Variants in ESCO2 observed in about 807,000 individuals in gnomAD.
ESCO2 encodes the protein N-acetyltransferase ESCO2.
A neutral mutation model predicts 61.7 loss-of-function variants in ESCO2; 51 were observed. The observed-to-expected ratio is 0.83, with a 90% CI of 0.66 to 1.04. The LOEUF is 1.04. Among genes scored for constraint, ESCO2 ranks in the 50% least tolerant of loss-of-function variants. ESCO2 has a pLI of 0.00. For missense variants in ESCO2, 692 were observed against 686.2 expected, an observed-to-expected ratio of 1.01 and a Z score of -0.09; for synonymous variants, 230 against 238.2, an observed-to-expected ratio of 0.97 and a Z score of 0.32.
intron 2 of ESCO2, among the ~76,000 whole-genome samples, chr8:27,775,787 TTTTG>T: frequency 6.6e-6 from 1 of 152,352 alleles, no homozygotes; most frequent in East Asian, 1.9e-4. Context: ...GTTTTTTAGT[TTTTG>T]TTTTTTTCTT....
In ESCO2 at chr8:27,803,734, C is replaced by CT; in HGVS notation, c.*297dup. ...TAGCTATAACTGGAAAATTACCTGACTCTTTGTAAGAGTATTAAATACAAA... is the reference window on the plus strand; with the variant it reads ...TAGCTATAACTGGAAAATTACCTGACTTCTTTGTAAGAGTATTAAATACAAA... On this transcript the variant is annotated 3_prime_UTR_variant, in exon 11 of 11. Transcript: ENST00000305188. 6 of 1,161,428 alleles carry CT rather than the reference C, an allele frequency of 5.2e-6. No homozygotes were observed. Among genetic ancestry groups the CT allele is most frequent in the Non-Finnish European group, 6.4e-6 (6 of 940,594 alleles). The allele number at this position is 1,161,428 out of a possible 1,614,324, so 71.9% of individuals were successfully genotyped here.
intron 2 of ESCO2, 73 bp from the exon 3 acceptor site, chr8:27,776,289 C>A: frequency 2.4e-6 from 3 of 1,262,114 alleles, no homozygotes; most frequent in Non-Finnish European, 3.4e-6. Context: ...ACAAGTAGAG[C>A]TTACTTAGCA....
chr8:27,793,479 G>GTTTTTTTTTTTTTTTTTTTTT (rs67670087), intron 9 of ESCO2, among the ~76,000 whole-genome samples: 8 of 125,506 alleles, frequency 6.4e-5, no homozygotes, highest in Non-Finnish European at 5.0e-5. Context: ...CTTTTTCTTT[G>GTTTTTTTTTTTTTTTTTTTTT]TTTTTTTTTT....
chr8:27,810,211 C>T, downstream of ESCO2: 1 of 829,544 alleles, frequency 1.2e-6, no homozygotes, highest in Non-Finnish European at 2.0e-6. Context: ...TCAAATATGC[C>T]AATTTTAGAG....
At position 27,799,600 on chromosome 8, in the gene ESCO2, T is replaced by C; in HGVS notation, c.1557T>C (p.Pro519=). ...AATCCCCAAGCTCTACGGAATGTCC[T>C]AGGGCTTGGCAATGTTCAGATGTAC... ...GPESPSSTEC[P]RAWQCSDVPE... Residue 519 remains proline (P), a synonymous_variant, in exon 10 of 11, where the codon CCT becomes CCC. Coordinates refer to ENST00000305188, the MANE Select transcript of ESCO2 (RefSeq NM_001017420.3). 1 of 1,614,056 alleles carries C rather than the reference T, an allele frequency of 6.2e-7. No individual in the cohort carries two copies. The highest frequency in any genetic ancestry group is 1.1e-5 in the South Asian group (1 of 91,076).
At chr8:27,780,831 A>G (rs1804909418) in intron 4 of ESCO2, among the ~76,000 whole-genome samples, 1 of 152,180 alleles carries the variant, frequency 6.6e-6, no homozygotes, top group East Asian at 1.9e-4. Context: ...TCAATTAAAT[A>G]GCTTACTAAA....
intron 9 of ESCO2, among the ~76,000 whole-genome samples, chr8:27,798,517 G>T (rs1420632651): frequency 6.6e-6 from 1 of 150,988 alleles, no homozygotes; most frequent in Admixed American, 6.6e-5. Flanking sequence ...TTGTTCTCCT[G>T]GGCATTTAAG....
At position 27,787,995 on chromosome 8, in the gene ESCO2, T is replaced by C. The variant is rs2128954856; in HGVS notation, c.1124T>C (p.Leu375Pro). Residue 375 changes from leucine (L) to proline (P), a missense_variant, in exon 6 of 11, where the codon CTC becomes CCC. Physicochemically the swap from Leu to Pro is moderately conservative, Grantham distance 98 (BLOSUM62 -3). Coordinates refer to ENST00000305188, the MANE Select transcript of ESCO2 (RefSeq NM_001017420.3). Reference sequence around the variant, plus strand: ...ACAAGTAAAAAAACAAAAGACCAGCTCATCATCGTGAGTAAATTCCAAACA... The same window carrying C: ...ACAAGTAAAAAAACAAAAGACCAGCCCATCATCGTGAGTAAATTCCAAACA... ...RDTSKKTKDQ[L>P]IIDAGQKHFG... 8 of 1,607,882 alleles carry C rather than the reference T, an allele frequency of 5.0e-6. No homozygotes were observed. The highest frequency in any genetic ancestry group is 6.8e-6 in the Non-Finnish European group (8 of 1,174,624).
intron 9 of ESCO2, among the ~76,000 whole-genome samples, chr8:27,795,061 C>T (rs1285850191): frequency 1.3e-5 from 2 of 152,054 alleles, no homozygotes; most frequent in Non-Finnish European, 1.5e-5. Flanking sequence ...TGTGGAAATG[C>T]CATTAGAATT....
At position 27,776,672 on chromosome 8, in the gene ESCO2, G is replaced by T; in HGVS notation, c.364G>T (p.Val122Leu). Residue 122 changes from valine to leucine, a missense_variant, in exon 3 of 11, where the codon GTG becomes TTG. Coordinates refer to ENST00000305188, the MANE Select transcript of ESCO2 (RefSeq NM_001017420.3). ...TNDEDKSFPI[V>L]TEKMQGKPVC... ...TGATGAAGATAAATCTTTTCCCATT[G>T]TGACAGAAAAAATGCAAGGAAAACC... 2.5e-6 allele frequency: 4 copies of T among 1,613,766 alleles called. No homozygotes were observed. Among genetic ancestry groups the T allele is most frequent in the Non-Finnish European group, 3.4e-6 (4 of 1,180,000 alleles).
Position 27,786,814 on chromosome 8 carries a change from GT to G in ESCO2, c.1014-1060del, listed in dbSNP as rs57226076. Among the ~76,000 whole-genome samples the G allele has an allele frequency of 5.8e-3, 708 of 123,038 alleles. 13 individuals carry two copies. In the East Asian group the frequency reaches 0.093, roughly 16 times the overall value. The allele number at this position is 123,038 out of a possible 152,430, so 80.7% of individuals were successfully genotyped here. On this transcript the variant is annotated intron_variant, in intron 5 of 10. Transcript: ENST00000305188. ...TTTTTTTTTTTTTCTACTTTGTCAG[GT>G]TTTTTTTTTTCCTGTTGTTTGAACT...
chr8:27,772,434 A>G, upstream of ESCO2: 2 of 1,409,872 alleles, frequency 1.4e-6, no homozygotes, highest in Non-Finnish European at 9.8e-7. Flanking sequence ...AGCGAGGGTC[A>G]GGCGCAGCGG....
At chr8:27,818,643 CTT>C in the ESCO2 span, among the ~76,000 whole-genome samples, 7 of 151,168 alleles carry the variant, frequency 4.6e-5, no homozygotes, top group East Asian at 1.2e-3. Flanking sequence ...ACTAATAACT[CTT>C]AATGCATTAG....
chr8:27,803,681 A>T lies in ESCO2; in HGVS notation c.*243A>T, dbSNP rs538682688. 1 of 1,283,700 alleles carries T rather than the reference A, an allele frequency of 7.8e-7. No homozygotes were observed. The highest frequency in any genetic ancestry group is 9.8e-7 in the Non-Finnish European group (1 of 1,016,408). The allele number at this position is 1,283,700 out of a possible 1,614,324, so 79.5% of individuals were successfully genotyped here. ...ATCTTTGGGTGATTCCCTGATTAGC[A>T]CTCTGAATGTTTAATTATGAAACTT... On this transcript the variant is annotated 3_prime_UTR_variant, in exon 11 of 11. Coordinates refer to ENST00000305188, the MANE Select transcript of ESCO2 (RefSeq NM_001017420.3).
chr8:27,812,978 C>A (rs1386548516), downstream of ESCO2, among the ~76,000 whole-genome samples: 5 of 152,120 alleles, frequency 3.3e-5, no homozygotes, highest in African/African-American at 1.2e-4. Flanking sequence ...GGGTATACAC[C>A]CAAAGGATTA....
chr8:27,795,636 G>A (rs181802051), intron 9 of ESCO2, among the ~76,000 whole-genome samples: 100 of 152,298 alleles, frequency 6.6e-4, no homozygotes, highest in Admixed American at 2.1e-3. Context: ...TATGATGTTA[G>A]TTGTGGGCTT....
chr8:27,806,314 C>T (rs1368480060), downstream of ESCO2, among the ~76,000 whole-genome samples: 1 of 152,046 alleles, frequency 6.6e-6, no homozygotes, highest in South Asian at 2.1e-4. Context: ...TAAATTGTGC[C>T]AATATATGTG....
chr8:27,778,593 CAAAG>C (rs1477722077), intron 3 of ESCO2: 1 of 152,134 alleles, frequency 6.6e-6, no homozygotes, highest in Non-Finnish European at 1.5e-5. Context: ...TCCAGTAAAA[CAAAG>C]GAAGAGTCTG....
chr8:27,813,920 CAGTTT>C (rs1805757061), downstream of ESCO2, among the ~76,000 whole-genome samples: 1 of 144,832 alleles, frequency 6.9e-6, no homozygotes, highest in Non-Finnish European at 1.5e-5. Context: ...TTTTTCTTAT[CAGTTT>C]ATTTTTCTGT....
Sources: allele counts gnomAD v4.1 joint callset (sites outside exome capture counted in the v4.1 genomes callset), GRCh38; gene constraint gnomAD v4.1.1; transcripts MANE v1.5; gene names NCBI Gene and HGNC (gene_info 2026-07-23, HGNC 2026-07-21).